LPP: variants seen among roughly 807,000 people sequenced by gnomAD.
The protein encoded by LPP is lipoma-preferred partner.
Under a neutral mutation model 60.4 loss-of-function variants are expected in LPP, and 38 were observed. The ratio of observed to expected loss-of-function variants is 0.63; its 90% confidence interval spans 0.49 to 0.83. The LOEUF (loss-of-function observed/expected upper bound fraction) is 0.83. LPP is among the 40% of genes least tolerant of loss of function. LPP has a pLI of 0.00. For synonymous variants in LPP, 328 were observed against 290.8 expected (o/e 1.13, Z -1.30); for missense variants, 902 against 783.6 (o/e 1.15, Z -1.80).
intron 8 of LPP, among the ~76,000 whole-genome samples, chr3:188,752,472 C>T (rs1055039803): frequency 6.6e-6 from 1 of 152,114 alleles, no homozygotes; most frequent in African/African-American, 2.4e-5. Context: ...CAAAAGATAA[C>T]CATGTATTAT....
intron 1 of LPP, among the ~76,000 whole-genome samples, chr3:188,204,000 G>A (rs1732439284): frequency 6.6e-6 from 1 of 152,122 alleles, no homozygotes; most frequent in Non-Finnish European, 1.5e-5. Context: ...ATCTTGATGT[G>A]GATGTTTATG....
At chr3:188,492,833 G>A (rs1808803830) in intron 5 of LPP, among the ~76,000 whole-genome samples, 1 of 152,172 alleles carries the variant, frequency 6.6e-6, no homozygotes, top group Non-Finnish European at 1.5e-5. Flanking sequence ...GCCAAATGAT[G>A]CTTGAACATT....
chr3:188,451,035 T>C (rs980983176), intron 4 of LPP, among the ~76,000 whole-genome samples: 3 of 152,160 alleles, frequency 2.0e-5, no homozygotes, highest in Non-Finnish European at 4.4e-5. Context: ...TTCACTAGGC[T>C]CTGTGTTTTT....
rs77662567 is a variant in LPP, at chr3:188,418,107, T to A, written c.193+11794T>A. Among the ~76,000 whole-genome samples, 985 of 152,294 alleles carry A rather than the reference T, an allele frequency of 6.5e-3. 7 individuals carry two copies. Among genetic ancestry groups the A allele is most frequent in the Non-Finnish European group, 9.6e-3 (650 of 68,028 alleles). On this transcript the variant is annotated intron_variant, in intron 4 of 11. Coordinates refer to ENST00000617246, the MANE Select transcript of LPP (RefSeq NM_001375462.1). ...AATATCTAGTTTAATCACCAGAATA[T>A]CCTGCAACGTTATTATAGTTCCTAC...
In LPP at chr3:188,192,446, T is replaced by C. The variant is rs144196838; in HGVS notation, c.-189-32959T>C. ...AAGAGCAGCACATCCATTTAATCTC[T>C]CCCACAGGGTAGGGGAAATATCAAG... On this transcript the variant is annotated intron_variant, in intron 1 of 11. Transcript: ENST00000617246. Among the ~76,000 whole-genome samples, 521 of 152,284 alleles carry C rather than the reference T, an allele frequency of 3.4e-3. 9 individuals are homozygous for C. Among genetic ancestry groups the C allele is most frequent in the African/African-American group, 0.012 (490 of 41,572 alleles).
chr3:188,464,243 A>G (rs755682094), intron 4 of LPP, among the ~76,000 whole-genome samples: 19 of 152,230 alleles, frequency 1.2e-4, no homozygotes, highest in Non-Finnish European at 2.5e-4. Flanking sequence ...TAGGGAGTCA[A>G]GTGAACCATT....
chr3:188,817,044 T>A (rs954238997), intron 9 of LPP, among the ~76,000 whole-genome samples: 1 of 152,236 alleles, frequency 6.6e-6, no homozygotes, highest in African/African-American at 2.4e-5. Flanking sequence ...AACAAGTATT[T>A]GCAAATAATT....
At chr3:188,773,900 G>A (rs1228547799) in intron 9 of LPP, among the ~76,000 whole-genome samples, 1 of 152,140 alleles carries the variant, frequency 6.6e-6, no homozygotes, top group East Asian at 1.9e-4. Flanking sequence ...CTTCATGGAG[G>A]AAGAGACCTG....
chr3:188,488,526 T>C (rs1400443666), intron 5 of LPP, among the ~76,000 whole-genome samples: 2 of 152,176 alleles, frequency 1.3e-5, no homozygotes, highest in African/African-American at 2.4e-5. Flanking sequence ...AATTGAATGC[T>C]TCTTGTAAGT....
chr3:188,811,605 A>G (rs1442400284), intron 9 of LPP, among the ~76,000 whole-genome samples: 2 of 152,132 alleles, frequency 1.3e-5, no homozygotes, highest in East Asian at 3.9e-4. Flanking sequence ...ACTGGAAGAA[A>G]TAATCTTAGA....
chr3:188,332,073 CCTTCTCTCTTTT>C (rs1171150003), intron 2 of LPP, among the ~76,000 whole-genome samples: 51 of 152,024 alleles, frequency 3.4e-4, no homozygotes, highest in Non-Finnish European at 5.4e-4. Flanking sequence ...CTCCTCCTTT[CCTTCTCTCTTTT>C]CTTCTCTCTT....
At chr3:188,203,003 G>A (rs748211521) in intron 1 of LPP, among the ~76,000 whole-genome samples, 1 of 148,872 alleles carries the variant, frequency 6.7e-6, no homozygotes, top group African/African-American at 2.5e-5. Flanking sequence ...ATATATATTT[G>A]CTGGCAAAAA....
chr3:188,488,285 A>G (rs935738226), intron 5 of LPP, among the ~76,000 whole-genome samples: 5 of 152,082 alleles, frequency 3.3e-5, no homozygotes, highest in African/African-American at 1.2e-4. Context: ...TGAATTTTTG[A>G]TATATGCTAT....
At chr3:188,611,445 T>C (rs776892501) in intron 7 of LPP, among the ~76,000 whole-genome samples, 13 of 152,226 alleles carry the variant, frequency 8.5e-5, no homozygotes, top group Non-Finnish European at 1.5e-4. Flanking sequence ...GGGGAGTCTA[T>C]TTTCAAAACA....
intron 1 of LPP, among the ~76,000 whole-genome samples, chr3:188,181,023 G>A (rs1167835594): frequency 6.6e-6 from 1 of 152,054 alleles, no homozygotes; most frequent in African/African-American, 2.4e-5. Context: ...GAGAGAACAT[G>A]TTGTCTCTGG....
At chr3:188,421,823 T>C (rs1464912593) in intron 4 of LPP, among the ~76,000 whole-genome samples, 1 of 152,158 alleles carries the variant, frequency 6.6e-6, no homozygotes, top group Non-Finnish European at 1.5e-5. Flanking sequence ...ATTATAAACA[T>C]GTCCGGTAAA....
chr3:188,509,228 A>G (rs776297214), intron 5 of LPP, among the ~76,000 whole-genome samples: 1 of 152,172 alleles, frequency 6.6e-6, no homozygotes, highest in Non-Finnish European at 1.5e-5. Flanking sequence ...ACCACCAGAA[A>G]ACATGTGCAG....
intron 3 of LPP, among the ~76,000 whole-genome samples, chr3:188,390,227 C>T (rs997657294): frequency 2.6e-5 from 4 of 152,072 alleles, no homozygotes; most frequent in Middle Eastern, 3.2e-3. Flanking sequence ...ATGACAGAGC[C>T]GAGCTGGTTT....
intron 6 of LPP, chr3:188,569,237 T>C (rs752422100): frequency 6.6e-6 from 1 of 151,882 alleles, no homozygotes; most frequent in East Asian, 1.9e-4. Context: ...GCAATGACTT[T>C]ATATGTTCTG....
Sources: gnomAD v4.1 joint callset for allele counts (sites outside exome capture counted in the v4.1 genomes callset) on GRCh38, gnomAD v4.1.1 for gene constraint, MANE v1.5 for transcripts, NCBI Gene and HGNC (gene_info 2026-07-23, HGNC 2026-07-21) for gene names.